Variants in ADAMTSL1 observed in about 807,000 individuals in gnomAD.
The protein encoded by ADAMTSL1 is ADAMTS like 1, also known as ADAMTS-like protein 1.
Under a neutral mutation model 201.8 loss-of-function variants are expected in ADAMTSL1, and 126 were observed. That is an observed-to-expected ratio of 0.62 (90% CI 0.54 to 0.72). The LOEUF (loss-of-function observed/expected upper bound fraction) is 0.72, where lower values mean the gene tolerates loss of function less well. Ranked by LOEUF, ADAMTSL1 falls within the 30% of genes least tolerant of loss-of-function variation. ADAMTSL1 has a pLI of 0.00. For synonymous variants in ADAMTSL1, 1,121 were observed against 903.4 expected (o/e 1.24, Z -4.32); for missense variants, 2,679 against 2,277.8 (o/e 1.18, Z -3.59).
intron 2 of ADAMTSL1, among the ~76,000 whole-genome samples, chr9:18,306,767 T>C (rs1219428623): frequency 2.6e-5 from 4 of 152,132 alleles, no homozygotes; most frequent in African/African-American, 9.7e-5. Flanking sequence ...TGGAAAACAC[T>C]CTTCAGTATA....
At chr9:18,196,492 T>G (rs1829189534) in intron 2 of ADAMTSL1, among the ~76,000 whole-genome samples, 1 of 152,046 alleles carries the variant, frequency 6.6e-6, no homozygotes, top group Non-Finnish European at 1.5e-5. Context: ...GATTCCTTGA[T>G]GAAATTTGGG....
At chr9:18,392,247 A>C (rs1838083784) in intron 2 of ADAMTSL1, among the ~76,000 whole-genome samples, 1 of 152,224 alleles carries the variant, frequency 6.6e-6, no homozygotes, top group African/African-American at 2.4e-5. Context: ...GTGATTACAA[A>C]ATAATGTCAT....
intron 1 of ADAMTSL1, among the ~76,000 whole-genome samples, chr9:17,914,819 C>G (rs1436522571): frequency 3.3e-5 from 5 of 152,054 alleles, no homozygotes; most frequent in Admixed American, 1.3e-4. Flanking sequence ...GCAACTTCAG[C>G]AAAGTCTCAG....
rs1350654391 is a variant in ADAMTSL1, at chr9:17,915,198, G to T, written c.87+8276G>T. ...TTCCTCCCTCCTGTCCTTGAGTCCA[G>T]CATCATCAGGCAAATAATGATCACC... On this transcript the variant is annotated intron_variant, in intron 1 of 29. Transcript: ENST00000680146. Among the ~76,000 whole-genome samples the T allele has an allele frequency of 2.0e-5, 3 of 152,086 alleles. No individual in the cohort carries two copies. The East Asian group carries it at 5.8e-4, about 29-fold the overall frequency.
intron 20 of ADAMTSL1, among the ~76,000 whole-genome samples, chr9:18,795,996 T>C (rs963506332): frequency 5.3e-5 from 8 of 152,206 alleles, no homozygotes; most frequent in African/African-American, 1.9e-4. Context: ...AGTACTTCTC[T>C]CTGAGTCTGC....
At chr9:18,327,787 C>G (rs1353495836) in intron 2 of ADAMTSL1, among the ~76,000 whole-genome samples, 1 of 152,104 alleles carries the variant, frequency 6.6e-6, no homozygotes, top group Non-Finnish European at 1.5e-5. Flanking sequence ...TTAAATAACC[C>G]AAAATAAATC....
intron 1 of ADAMTSL1, among the ~76,000 whole-genome samples, chr9:18,147,260 TAA>T (rs943110957): frequency 4.6e-5 from 7 of 152,264 alleles, no homozygotes; most frequent in South Asian, 4.1e-4. Context: ...ATTTTTGATA[TAA>T]GTTAGGAATG....
chr9:18,631,975 G>A (rs1356251872), intron 5 of ADAMTSL1, among the ~76,000 whole-genome samples: 1 of 152,160 alleles, frequency 6.6e-6, no homozygotes, highest in African/African-American at 2.4e-5. Flanking sequence ...AGTCAACAAA[G>A]CCAGAATAGA....
chr9:18,897,355 A>G (rs1829709338), intron 26 of ADAMTSL1, among the ~76,000 whole-genome samples: 1 of 152,162 alleles, frequency 6.6e-6, no homozygotes, highest in Non-Finnish European at 1.5e-5. Context: ...CAGCTGTTCT[A>G]CCAAAAAAAC....
rs1040413061 is a variant in ADAMTSL1 at position 18,555,198 on chromosome 9, C to T, written c.238-18832C>T. Among the ~76,000 whole-genome samples, 13 of 151,866 alleles carry T rather than the reference C, an allele frequency of 8.6e-5. No homozygotes were observed. In the East Asian group the frequency reaches 2.3e-3, roughly 27 times the overall value. On this transcript the variant is annotated intron_variant, in intron 3 of 28. Transcript: ENST00000380548. ...ATATTCATCTTCTTCCACAACTTGC[C>T]GTTCATAGACTTTATCCCCTGTTCC...
intron 2 of ADAMTSL1, among the ~76,000 whole-genome samples, chr9:18,377,580 T>C (rs1416124973): frequency 6.6e-6 from 1 of 152,164 alleles, no homozygotes; most frequent in Non-Finnish European, 1.5e-5. Context: ...TGTTTTGTTT[T>C]TGTTTCTGAG....
intron 1 of ADAMTSL1, among the ~76,000 whole-genome samples, chr9:18,097,264 C>A (rs1824292633): frequency 1.3e-5 from 2 of 152,190 alleles, no homozygotes; most frequent in Admixed American, 6.5e-5. Flanking sequence ...TGCTGTGTAG[C>A]ATTCTATTGT....
chr9:18,393,812 C>A (rs969606332), intron 2 of ADAMTSL1, among the ~76,000 whole-genome samples: 9 of 152,116 alleles, frequency 5.9e-5, no homozygotes, highest in African/African-American at 2.2e-4. Context: ...TTGAAGGAAA[C>A]AAGGCTTGGA....
intron 2 of ADAMTSL1, among the ~76,000 whole-genome samples, chr9:18,344,521 T>C (rs1586931100): frequency 6.6e-6 from 1 of 152,106 alleles, no homozygotes; most frequent in East Asian, 1.9e-4. Context: ...TGGAAACCTT[T>C]AAGTGCACAA....
chr9:18,405,321 T>C (rs1818145514), intron 2 of ADAMTSL1, among the ~76,000 whole-genome samples: 1 of 152,152 alleles, frequency 6.6e-6, no homozygotes, highest in East Asian at 1.9e-4. Flanking sequence ...TTCATTTACG[T>C]AGATAGAAGG....
Position 18,171,032 on chromosome 9 carries a change from A to C in ADAMTSL1, c.207+7051A>C, listed in dbSNP as rs182031865. On this transcript the variant is annotated intron_variant, in intron 2 of 29. Coordinates refer to the ADAMTSL1 transcript ENST00000680146. ...AATGGGAAGTCTTAATGTCATGAGG[A>C]TGCCAATTTCCCCACAAATTAATCC... Among the ~76,000 whole-genome samples, 337 of 152,248 alleles carry C rather than the reference A, an allele frequency of 2.2e-3. 2 individuals are homozygous for C. Among genetic ancestry groups the C allele is most frequent in the African/African-American group, 7.2e-3 (299 of 41,576 alleles).
At chr9:18,202,716 A>G (rs996437053) in intron 2 of ADAMTSL1, among the ~76,000 whole-genome samples, 1 of 152,098 alleles carries the variant, frequency 6.6e-6, no homozygotes, top group Non-Finnish European at 1.5e-5. Context: ...ATCTGCATAT[A>G]TGCTTCTCTC....
At chr9:18,674,735 G>A (rs1480171152) in intron 9 of ADAMTSL1, among the ~76,000 whole-genome samples, 16 of 152,078 alleles carry the variant, frequency 1.1e-4, no homozygotes, top group Non-Finnish European at 2.1e-4. Flanking sequence ...GGCACAGATA[G>A]AATACATGAG....
At chr9:18,248,267 C>T (rs1407812481) in intron 2 of ADAMTSL1, among the ~76,000 whole-genome samples, 1 of 152,124 alleles carries the variant, frequency 6.6e-6, no homozygotes, top group Non-Finnish European at 1.5e-5. Flanking sequence ...AGAGGAGGCT[C>T]ACGTGTACCC....
Sources: gnomAD v4.1 joint callset for allele counts (sites outside exome capture counted in the v4.1 genomes callset) on GRCh38, gnomAD v4.1.1 for gene constraint, MANE v1.5 for transcripts, NCBI Gene and HGNC (gene_info 2026-07-23, HGNC 2026-07-21) for gene names.